The following SGSM2 variants were observed in gnomAD, a reference collection of about 807,000 sequenced individuals.
SGSM2 encodes small G protein signaling modulator 2.
A neutral mutation model predicts 126.6 loss-of-function variants in SGSM2; 89 were observed. That is an observed-to-expected ratio of 0.70 (90% CI 0.59 to 0.84). SGSM2 has a LOEUF of 0.84. Ranked by LOEUF, SGSM2 falls within the 40% of genes least tolerant of loss-of-function variation. The pLI, the probability that SGSM2 is intolerant of heterozygous loss-of-function variation, is 0.00. For synonymous variants in SGSM2, 614 were observed against 574.3 expected (o/e 1.07, Z -0.99); for missense variants, 1,404 against 1,416.6 (o/e 0.99, Z 0.14).
chr17:2,364,610 A>T lies in SGSM2; in HGVS notation c.947A>T (p.Tyr316Phe), dbSNP rs951725278. 4 of 1,614,094 alleles carry T rather than the reference A, an allele frequency of 2.5e-6. No individual in the cohort carries two copies. The highest frequency in any genetic ancestry group is 2.7e-5 in the African/African-American group (2 of 74,938). The change falls in exon 9 of 24, where the codon TAT becomes TTT. Residue 316 changes from tyrosine (Y) to phenylalanine (F), a missense_variant. Coordinates refer to ENST00000268989, the MANE Select transcript of SGSM2 (RefSeq NM_014853.3). ...TTCCTTTCTAGCGTTTACTGGGACT[A>T]TGCCCTCGTGGTGCCCTTCAGCCAG... ...SELEKSVYWD[Y>F]ALVVPFSQVV...
In SGSM2 at chr17:2,380,299, C is replaced by T. The variant is rs1347629932; in HGVS notation, c.*779C>T. ...TGAAAACCACGTGTAAGAAGTGATG[C>T]TTTTGCCAGTGGATGATCTGGAATG... On this transcript the variant is annotated 3_prime_UTR_variant, in exon 24 of 24. Transcript: ENST00000268989. The T allele has an allele frequency of 3.3e-6, 5 of 1,535,804 alleles. No individual in the cohort carries two copies. The highest frequency in any genetic ancestry group is 4.4e-6 in the Non-Finnish European group (5 of 1,146,878).
rs771741102 is a variant in SGSM2 at position 2,363,451 on chromosome 17, G to C, written c.673-14G>C. On this transcript the variant is annotated splice_polypyrimidine_tract_variant and intron_variant, in intron 6 of 23. Coordinates refer to ENST00000268989, the MANE Select transcript of SGSM2 (RefSeq NM_014853.3). The surrounding 1 kb of genome is among the most constrained non-coding windows in gnomAD (Gnocchi z 4.2). ...TTCCCAAGGCTGGAGGCTGAGCCCC[G>C]GCCTTCCACACAGATCCGGAAACGG... 6.2e-7 allele frequency: 1 copy of C among 1,612,544 alleles called. No homozygotes were observed. The highest frequency in any genetic ancestry group is 2.2e-5 in the East Asian group (1 of 44,822).
Position 2,367,562 on chromosome 17 carries a change from A to G in SGSM2, c.1423+157A>G, listed in dbSNP as rs147939793. Among the ~76,000 whole-genome samples, 89 of 152,312 alleles carry G rather than the reference A, an allele frequency of 5.8e-4. No individual in the cohort carries two copies. Among genetic ancestry groups the G allele is most frequent in the Non-Finnish European group, 1.1e-3 (75 of 68,016 alleles). ...TCGGGGGCAGATCAGGGAGGGCAGA[A>G]GGAGGCCAGACAGGTGCTGGCAAGA... On this transcript the variant is annotated intron_variant, in intron 12 of 23. Transcript: ENST00000268989. The surrounding 1 kb of genome is among the most constrained non-coding windows in gnomAD (Gnocchi z 4.0).
At position 2,363,027 on chromosome 17, in the gene SGSM2, G is replaced by A; in HGVS notation, c.565G>A (p.Ala189Thr). The change falls in exon 6 of 24, where the codon GCC becomes ACC. Residue 189 changes from alanine (A) to threonine (T), a missense_variant. Coordinates refer to ENST00000268989, the MANE Select transcript of SGSM2 (RefSeq NM_014853.3). This position sits in a 1 kb window ranked among gnomAD's most constrained non-coding sequence, Gnocchi z 4.2. The stretch of plus-strand genomic sequence containing the variant: ...CTTGGAATACACTAAGCTCAAGACA[G>A]CCGATCACTACTGGACTGACCCCTC... Reference protein sequence around the residue: ...CALEYTKLKTADHYWTDPSAD... With the variant: ...CALEYTKLKTTDHYWTDPSAD... 2 of 1,614,034 alleles carry A rather than the reference G, an allele frequency of 1.2e-6. No individual in the cohort carries two copies. Among genetic ancestry groups the A allele is most frequent in the Non-Finnish European group, 1.7e-6 (2 of 1,180,042 alleles).
intron 20 of SGSM2, 48 bp downstream of exon 20, chr17:2,376,863 G>A (rs2066187887): frequency 6.2e-7 from 1 of 1,612,074 alleles, no homozygotes; most frequent in Non-Finnish European, 8.5e-7. Context: ...CTGGAGAAAG[G>A]ACGAGAGGGT....
At chr17:2,345,152 A>T (rs1269384313) in intron 2 of SGSM2, among the ~76,000 whole-genome samples, 2 of 152,114 alleles carry the variant, frequency 1.3e-5, no homozygotes, top group Admixed American at 1.3e-4. Flanking sequence ...GTATTATGAT[A>T]AGCAACTTTG....
rs528764585 is a variant in SGSM2, at chr17:2,376,516, A to G, written c.2610-217A>G. On this transcript the variant is annotated intron_variant, in intron 19 of 23. Coordinates refer to ENST00000268989, the MANE Select transcript of SGSM2 (RefSeq NM_014853.3). ...CCCCGCACCCCCGCCCCACATACCA[A>G]GCGTGACGGCCTTGGCTCTCCCTAA... 18 of 668,920 alleles carry G rather than the reference A, an allele frequency of 2.7e-5. No homozygotes were observed. The African/African-American group carries it at 3.1e-4, about 11-fold the overall frequency. The allele number at this position is 668,920 out of a possible 1,614,324, so 41.4% of individuals were successfully genotyped here.
chr17:2,338,515 A>G (rs952098938), intron 1 of SGSM2, among the ~76,000 whole-genome samples: 3 of 152,062 alleles, frequency 2.0e-5, no homozygotes, highest in Non-Finnish European at 4.4e-5. Flanking sequence ...AGCGCAGCTT[A>G]GAATACATTG....
intron 17 of SGSM2, 185 bp from the exon 18 acceptor site, chr17:2,375,306 GT>G: frequency 1.5e-6 from 1 of 667,550 alleles, no homozygotes. Context: ...CCAGAGGCTT[GT>G]TTCTCTCCGC....
At position 2,364,148 on chromosome 17, in the gene SGSM2, G is replaced by T. The variant is rs1315005632; in HGVS notation, c.897G>T (p.Met299Ile). The T allele has an allele frequency of 6.2e-7, 1 of 1,614,002 alleles. No individual in the cohort carries two copies. Among genetic ancestry groups the T allele is most frequent in the Non-Finnish European group, 8.5e-7 (1 of 1,180,016 alleles). ...LTLKWTPNQLMNGTLGDSELE... is the reference protein window; with the variant it reads ...LTLKWTPNQLINGTLGDSELE... ...TGAAGTGGACCCCCAACCAGCTCAT[G>T]AATGGGACTCTGGGGGACTCCGAGC... The change falls in exon 8 of 24, where the codon ATG becomes ATT. Residue 299 changes from methionine (M) to isoleucine (I), a missense_variant. Physicochemically the swap from Met to Ile is conservative, Grantham distance 10. Coordinates refer to ENST00000268989, the MANE Select transcript of SGSM2 (RefSeq NM_014853.3).
chr17:2,376,890 G>A, intron 20 of SGSM2, 69 bp from the exon 21 acceptor site: 5 of 1,603,932 alleles, frequency 3.1e-6, no homozygotes, highest in South Asian at 1.1e-5. Flanking sequence ...GTCTGGAGGG[G>A]TGGGAATGGG....
At chr17:2,379,394 C>T (rs377218028) in intron 23 of SGSM2, 38 bp from the exon 24 acceptor site, 2 of 1,589,924 alleles carry the variant, frequency 1.3e-6, no homozygotes, top group African/African-American at 1.3e-5. Flanking sequence ...GCTGCCCTTT[C>T]TCTGGGCCTC....
Position 2,362,734 on chromosome 17 carries a change from CTGAT to C in SGSM2, c.459-103_459-100del. The C allele has an allele frequency of 8.7e-7, 1 of 1,153,190 alleles. No homozygotes were observed. The allele number at this position is 1,153,190 out of a possible 1,614,324, so 71.4% of individuals were successfully genotyped here. ...CTAAGGACTCACTGTTTCTTGATGA[CTGAT>C]CTGAATCTGGTCTTTGTGGGGATGT... On this transcript the variant is annotated intron_variant, in intron 4 of 23. Transcript: ENST00000268989. The surrounding 1 kb of genome is among the most constrained non-coding windows in gnomAD (Gnocchi z 4.9).
At chr17:2,370,645 A>G (rs1427260920) in intron 12 of SGSM2, among the ~76,000 whole-genome samples, 2 of 152,344 alleles carry the variant, frequency 1.3e-5, no homozygotes, top group South Asian at 4.1e-4. Flanking sequence ...GAAAGGGGCC[A>G]TAGGAGCTGA....
rs375256955 is a variant in SGSM2 at position 2,365,252 on chromosome 17, T to G, written c.1199T>G (p.Ile400Ser). The G allele has an allele frequency of 7.4e-6, 12 of 1,612,312 alleles. No homozygotes were observed. In the African/African-American group the frequency reaches 1.3e-4, roughly 18 times the overall value. The change falls in exon 11 of 24, where the codon ATT (isoleucine) becomes AGT (serine). Residue 400 changes from isoleucine (I) to serine (S), a missense_variant. Coordinates refer to ENST00000268989, the MANE Select transcript of SGSM2 (RefSeq NM_014853.3). ...CCCAAGCTACGGAAACGAAGCAGCA[T>G]TCGCTCCGTGGATATGGAGGAGATG... Reference protein sequence around the residue: ...VFPKLRKRSSIRSVDMEEMGT... With the variant: ...VFPKLRKRSSSRSVDMEEMGT...
chr17:2,343,446 C>T, intron 1 of SGSM2, 99 bp from the exon 2 acceptor site: 2 of 1,135,074 alleles, frequency 1.8e-6, no homozygotes, highest in Non-Finnish European at 2.7e-6. Context: ...TCTGAAAGTG[C>T]CCTTCAGACC....
intron 22 of SGSM2, 87 bp from the exon 23 acceptor site, chr17:2,378,949 C>T: frequency 6.8e-7 from 1 of 1,470,086 alleles, no homozygotes; most frequent in Non-Finnish European, 9.2e-7. Context: ...TCAGCCCCAG[C>T]CTCAATCCCA....
rs772758948 is a variant in SGSM2 at position 2,363,001 on chromosome 17, C to T, written c.539C>T (p.Ala180Val). 6.2e-6 allele frequency: 10 copies of T among 1,614,058 alleles called. No homozygotes were observed. The South Asian group carries it at 9.9e-5, about 16-fold the overall frequency. ...ILASLLVGPC[A>V]LEYTKLKTAD... ...TCTGTCTCCACAGTGGGACCCTGTGCCTTGGAATACACTAAGCTCAAGACA... is the reference window on the plus strand; with the variant it reads ...TCTGTCTCCACAGTGGGACCCTGTGTCTTGGAATACACTAAGCTCAAGACA... Residue 180 changes from alanine to valine, a missense_variant, in exon 6 of 24, where the codon GCC (alanine) becomes GTC (valine). Physicochemically the swap from Ala to Val is moderately conservative, Grantham distance 64 (BLOSUM62 0). Transcript: ENST00000268989. This position sits in a 1 kb window ranked among gnomAD's most constrained non-coding sequence, Gnocchi z 4.2.
intron 16 of SGSM2, 123 bp downstream of exon 16, chr17:2,373,204 A>G (rs1035297932): frequency 2.0e-5 from 31 of 1,540,698 alleles, no homozygotes; most frequent in Admixed American, 3.6e-5. Flanking sequence ...GGGCAGCTCC[A>G]CCGTCCTTAC....
Sources: gnomAD v4.1 joint callset for allele counts (sites outside exome capture counted in the v4.1 genomes callset) on GRCh38, gnomAD v4.1.1 for gene constraint, Gnocchi (gnomAD v3.1) non-coding constraint, MANE v1.5 for transcripts, NCBI Gene and HGNC (gene_info 2026-07-23, HGNC 2026-07-21) for gene names.